KCNQ5: variants seen among roughly 807,000 people sequenced by gnomAD.
KCNQ5 encodes the protein potassium voltage-gated channel subfamily Q member 5.
KCNQ5 carries 30 observed loss-of-function variants against 98.2 expected under a neutral mutation model. The ratio of observed to expected loss-of-function variants is 0.31; its 90% CI spans 0.23 to 0.41. KCNQ5 has a LOEUF of 0.41. Among genes scored for constraint, KCNQ5 ranks in the 10% least tolerant of loss-of-function variants. KCNQ5 has a pLI of 1.00. For synonymous variants in KCNQ5, 458 were observed against 449.4 expected (o/e 1.02, Z -0.24); for missense variants, 835 against 1,182.5 (o/e 0.71, Z 4.31).
At chr6:72,984,849 A>G (rs1054911228) in intron 1 of KCNQ5, among the ~76,000 whole-genome samples, 1 of 152,138 alleles carries the variant, frequency 6.6e-6, no homozygotes, top group African/African-American at 2.4e-5. Context: ...TTTGGAACCA[A>G]TCCCAACAAT....
chr6:72,795,228 G>A (rs1329749049), intron 1 of KCNQ5, among the ~76,000 whole-genome samples: 2 of 152,122 alleles, frequency 1.3e-5, no homozygotes, highest in Admixed American at 1.3e-4. Context: ...AATACTGTGG[G>A]CTGGGGCATG....
intron 1 of KCNQ5, among the ~76,000 whole-genome samples, chr6:72,703,976 T>C (rs1314039875): frequency 6.6e-6 from 1 of 152,236 alleles, no homozygotes. Flanking sequence ...ATACTTTGTG[T>C]GCCTTAAAAC....
chr6:73,140,960 A>G (rs1337714143), intron 10 of KCNQ5, among the ~76,000 whole-genome samples: 2 of 152,014 alleles, frequency 1.3e-5, no homozygotes, highest in Admixed American at 6.6e-5. Flanking sequence ...TGCTTCTCCT[A>G]TTGGGTGGAG....
chr6:72,914,617 T>A (rs1184417664), intron 1 of KCNQ5, among the ~76,000 whole-genome samples: 1 of 149,472 alleles, frequency 6.7e-6, no homozygotes, highest in African/African-American at 2.5e-5. Flanking sequence ...AAATTTAAAT[T>A]TAAATTTATA....
chr6:72,790,512 G>T (rs770222867), intron 1 of KCNQ5, among the ~76,000 whole-genome samples: 6 of 152,220 alleles, frequency 3.9e-5, no homozygotes, highest in Non-Finnish European at 8.8e-5. Flanking sequence ...AAAGGGTAGT[G>T]ATGGGTGCGG....
intron 10 of KCNQ5, among the ~76,000 whole-genome samples, chr6:73,164,230 T>G (rs960006863): frequency 6.6e-6 from 1 of 152,166 alleles, no homozygotes; most frequent in African/African-American, 2.4e-5. Context: ...AAGTGAGGAC[T>G]TGGTGTACTT....
chr6:72,838,933 G>C (rs1223818921), intron 1 of KCNQ5, among the ~76,000 whole-genome samples: 2 of 111,610 alleles, frequency 1.8e-5, no homozygotes, highest in South Asian at 6.7e-4. Flanking sequence ...CTGGGCGACA[G>C]AGCGAGACTC....
chr6:72,925,809 T>G lies in KCNQ5; in HGVS notation c.399-78099T>G, dbSNP rs1039049888. Reference sequence around the variant, plus strand: ...AGTAGTTCTAGGAATCTGAGGGAGATGCAATGGGAACCTTGTGGGCAAAGG... The same window carrying G: ...AGTAGTTCTAGGAATCTGAGGGAGAGGCAATGGGAACCTTGTGGGCAAAGG... On this transcript the variant is annotated intron_variant, in intron 1 of 13. Coordinates refer to ENST00000370398, the MANE Select transcript of KCNQ5 (RefSeq NM_019842.4). Among the ~76,000 whole-genome samples the G allele has an allele frequency of 6.6e-5, 10 of 152,204 alleles. No homozygotes were observed. The East Asian group carries it at 1.7e-3, about 26-fold the overall frequency.
At chr6:73,041,429 C>T (rs1771696799) in intron 2 of KCNQ5, among the ~76,000 whole-genome samples, 1 of 152,176 alleles carries the variant, frequency 6.6e-6, no homozygotes, top group Non-Finnish European at 1.5e-5. Flanking sequence ...GAGATTTTGA[C>T]ACTGTAACGA....
chr6:72,999,854 T>G (rs1417276780), intron 1 of KCNQ5, among the ~76,000 whole-genome samples: 1 of 152,220 alleles, frequency 6.6e-6, no homozygotes, highest in Non-Finnish European at 1.5e-5. Flanking sequence ...TGGTTTCATC[T>G]ACAACTGTAA....
At chr6:73,025,649 AAAAAAAAAAAT>A (rs1770846922) in intron 2 of KCNQ5, among the ~76,000 whole-genome samples, 2 of 27,520 alleles carry the variant, frequency 7.3e-5, no homozygotes, top group Non-Finnish European at 5.2e-4. Flanking sequence ...AAAAAAAAAA[AAAAAAAAAAAT>A]TCAAGTGTTC....
chr6:72,972,575 T>C (rs930847349), intron 1 of KCNQ5, among the ~76,000 whole-genome samples: 3 of 151,860 alleles, frequency 2.0e-5, no homozygotes, highest in African/African-American at 7.3e-5. Flanking sequence ...CTCCCACTTA[T>C]GAGTGAGAAC....
chr6:72,715,697 A>C (rs1769611740), intron 1 of KCNQ5, among the ~76,000 whole-genome samples: 1 of 152,180 alleles, frequency 6.6e-6, no homozygotes, highest in Admixed American at 6.6e-5. Flanking sequence ...AAAACATGAC[A>C]CTTATAAAGT....
chr6:72,800,602 G>C (rs1415477654), intron 1 of KCNQ5, among the ~76,000 whole-genome samples: 3 of 152,110 alleles, frequency 2.0e-5, no homozygotes, highest in Admixed American at 6.5e-5. Flanking sequence ...ATTTTTTGAA[G>C]GGTTTTCTGT....
At chr6:72,988,649 C>CTTTT (rs71540364) in intron 1 of KCNQ5, among the ~76,000 whole-genome samples, 20 of 127,810 alleles carry the variant, frequency 1.6e-4, no homozygotes, top group South Asian at 2.6e-4. Context: ...GCATGATTTT[C>CTTTT]TTTTTTTTTT....
chr6:72,891,340 T>C (rs190422136), intron 1 of KCNQ5, among the ~76,000 whole-genome samples: 45 of 152,330 alleles, frequency 3.0e-4, no homozygotes, highest in African/African-American at 1.0e-3. Flanking sequence ...AATGGTTGGA[T>C]GTGTAAATGG....
At chr6:72,930,973 A>G (rs1765669769) in intron 1 of KCNQ5, among the ~76,000 whole-genome samples, 1 of 152,182 alleles carries the variant, frequency 6.6e-6, no homozygotes, top group Non-Finnish European at 1.5e-5. Flanking sequence ...TTGAACTTTT[A>G]CGTTTGTTGG....
intron 1 of KCNQ5, among the ~76,000 whole-genome samples, chr6:72,768,304 G>C (rs1006340945): frequency 1.3e-5 from 2 of 151,850 alleles, no homozygotes; most frequent in Admixed American, 6.6e-5. Flanking sequence ...TTGGTGGAGA[G>C]CCTTCTTGGT....
intron 2 of KCNQ5, among the ~76,000 whole-genome samples, chr6:73,022,452 A>G (rs897332306): frequency 6.6e-6 from 1 of 152,110 alleles, no homozygotes; most frequent in Non-Finnish European, 1.5e-5. Flanking sequence ...GACCAGCCTG[A>G]GCAACACAGT....
Sources: gnomAD v4.1 joint callset for allele counts (sites outside exome capture counted in the v4.1 genomes callset) on GRCh38, gnomAD v4.1.1 for gene constraint, MANE v1.5 for transcripts, NCBI Gene and HGNC (gene_info 2026-07-23, HGNC 2026-07-21) for gene names.